The following EPHA3 variants were observed in gnomAD, a reference collection of about 807,000 sequenced individuals.
EPHA3 encodes the protein EPH receptor A3.
Under a neutral mutation model 107.1 loss-of-function variants are expected in EPHA3, and 42 were observed. The ratio of observed to expected loss-of-function variants is 0.39; its 90% confidence interval spans 0.31 to 0.51. EPHA3 has a LOEUF of 0.51. Among genes scored for constraint, EPHA3 ranks in the 20% least tolerant of loss-of-function variants. The pLI, the probability that EPHA3 is intolerant of heterozygous loss-of-function variation, is 0.78. For missense variants in EPHA3, 1,183 were observed against 1,211.2 expected (o/e 0.98, Z 0.35); for synonymous variants, 461 against 424.8 (o/e 1.09, Z -1.05).
chr3:89,328,566 C>A (rs374836449), intron 3 of EPHA3, among the ~76,000 whole-genome samples: 1 of 152,104 alleles, frequency 6.6e-6, no homozygotes. Flanking sequence ...TGCAGGATTG[C>A]ATGTTAATGC....
intron 3 of EPHA3, among the ~76,000 whole-genome samples, chr3:89,335,245 G>T (rs1707368976): frequency 6.6e-6 from 1 of 152,154 alleles, no homozygotes; most frequent in African/African-American, 2.4e-5. Flanking sequence ...GTCTGGTGAA[G>T]ACTTATTTCC....
At chr3:89,397,256 T>A (rs1231891115) in intron 6 of EPHA3, among the ~76,000 whole-genome samples, 2 of 152,196 alleles carry the variant, frequency 1.3e-5, no homozygotes, top group African/African-American at 4.8e-5. Flanking sequence ...AAAATTGTAG[T>A]AGAAATAAAT....
At chr3:89,330,292 T>C (rs1368472059) in intron 3 of EPHA3, among the ~76,000 whole-genome samples, 7 of 152,084 alleles carry the variant, frequency 4.6e-5, no homozygotes, top group Non-Finnish European at 8.8e-5. Flanking sequence ...TGTTACCTGA[T>C]AAATGTCTGT....
intron 3 of EPHA3, among the ~76,000 whole-genome samples, chr3:89,318,321 G>A (rs1350752960): frequency 6.6e-6 from 1 of 151,834 alleles, no homozygotes; most frequent in African/African-American, 2.4e-5. Flanking sequence ...GGTATAATTT[G>A]TACTTTATTA....
chr3:89,366,697 T>C (rs1708190425), intron 5 of EPHA3, among the ~76,000 whole-genome samples: 3 of 150,658 alleles, frequency 2.0e-5, no homozygotes. Context: ...AAGCCCAGAC[T>C]TTAACTGGGA....
At chr3:89,418,547 G>T (rs1709294961) in intron 10 of EPHA3, among the ~76,000 whole-genome samples, 1 of 151,070 alleles carries the variant, frequency 6.6e-6, no homozygotes, top group South Asian at 2.1e-4. Context: ...ATTGCACATT[G>T]AAGACTTTTT....
intron 3 of EPHA3, among the ~76,000 whole-genome samples, chr3:89,245,993 A>C (rs1705022310): frequency 1.3e-5 from 2 of 152,202 alleles, no homozygotes; most frequent in Non-Finnish European, 2.9e-5. Context: ...GGTTTTGCAA[A>C]AAGTCATTTA....
rs1373969030 is a variant in EPHA3, at chr3:89,380,971, G to GTTTTT, written c.1307-14863_1307-14862insTTTTT. 4.4e-3 allele frequency among the ~76,000 whole-genome samples: 664 copies of GTTTTT among 151,150 alleles called. 9 individuals carry two copies. Among genetic ancestry groups the GTTTTT allele is most frequent in the African/African-American group, 0.015 (627 of 40,750 alleles). ...TTTTTAACCAAAGCTGCTATAGGCT[G>GTTTTT]TTTGTTTGTTTCTTTTTTTGAGACA... On this transcript the variant is annotated intron_variant, in intron 5 of 16. Transcript: ENST00000336596.
chr3:89,204,564 G>T, intron 2 of EPHA3, among the ~76,000 whole-genome samples: 1 of 149,826 alleles, frequency 6.7e-6, no homozygotes, highest in East Asian at 2.0e-4. Flanking sequence ...ACATTACTCT[G>T]ATCTTTTTAT....
intron 2 of EPHA3, among the ~76,000 whole-genome samples, chr3:89,201,308 C>A (rs1705962603): frequency 6.6e-6 from 1 of 152,130 alleles, no homozygotes; most frequent in South Asian, 2.1e-4. Context: ...CCAGGTCCCT[C>A]CCCCAACATT....
chr3:89,304,247 G>A (rs1706559115), intron 3 of EPHA3, among the ~76,000 whole-genome samples: 1 of 152,016 alleles, frequency 6.6e-6, no homozygotes, highest in Non-Finnish European at 1.5e-5. Context: ...AGTATGAACT[G>A]TATTTCAGCC....
At chr3:89,171,662 G>T (rs540658626) in intron 2 of EPHA3, among the ~76,000 whole-genome samples, 1 of 152,178 alleles carries the variant, frequency 6.6e-6, no homozygotes, top group South Asian at 2.1e-4. Context: ...AGAGCTTATT[G>T]CTAAAAGGTT....
At chr3:89,433,844 C>T (rs1036148574) in intron 13 of EPHA3, among the ~76,000 whole-genome samples, 1 of 152,140 alleles carries the variant, frequency 6.6e-6, no homozygotes, top group African/African-American at 2.4e-5. Flanking sequence ...TTCTCCTTCT[C>T]TGATCACCAG....
chr3:89,187,141 T>A (rs1375233130), intron 2 of EPHA3, among the ~76,000 whole-genome samples: 1 of 151,660 alleles, frequency 6.6e-6, no homozygotes, highest in Non-Finnish European at 1.5e-5. Context: ...AATATTTTTA[T>A]GTTCATATCC....
At chr3:89,344,177 C>G (rs1187173456) in intron 5 of EPHA3, among the ~76,000 whole-genome samples, 1 of 152,166 alleles carries the variant, frequency 6.6e-6, no homozygotes, top group East Asian at 1.9e-4. Flanking sequence ...TATTTCCTAT[C>G]TTATCATTCC....
At chr3:89,247,061 T>C (rs1216070386) in intron 3 of EPHA3, among the ~76,000 whole-genome samples, 2 of 152,190 alleles carry the variant, frequency 1.3e-5, no homozygotes, top group Non-Finnish European at 2.9e-5. Flanking sequence ...CTTGAGCATC[T>C]ACTCTTTGTC....
At chr3:89,188,653 T>C (rs1348390316) in intron 2 of EPHA3, among the ~76,000 whole-genome samples, 1 of 152,210 alleles carries the variant, frequency 6.6e-6, no homozygotes, top group African/African-American at 2.4e-5. Flanking sequence ...TAACAGGTGC[T>C]ATTACAAACT....
intron 2 of EPHA3, among the ~76,000 whole-genome samples, chr3:89,175,307 T>A (rs1226138886): frequency 6.6e-6 from 1 of 152,076 alleles, no homozygotes; most frequent in African/African-American, 2.4e-5. Flanking sequence ...GAAACCACTT[T>A]AAGTTGGAAA....
At chr3:89,347,376 A>T (rs1707692595) in intron 5 of EPHA3, among the ~76,000 whole-genome samples, 1 of 149,076 alleles carries the variant, frequency 6.7e-6, no homozygotes, top group Non-Finnish European at 1.5e-5. Flanking sequence ...TTCTCTTTGA[A>T]GCAATTGTGA....
Sources: gnomAD v4.1 joint callset for allele counts (sites outside exome capture counted in the v4.1 genomes callset) on GRCh38, gnomAD v4.1.1 for gene constraint, MANE v1.5 for transcripts, NCBI Gene and HGNC (gene_info 2026-07-23, HGNC 2026-07-21) for gene names.